The following MTMR7 variants were observed in gnomAD, a reference collection of about 807,000 sequenced individuals.
The protein encoded by MTMR7 is phosphatidylinositol-3-phosphate phosphatase MTMR7.
In MTMR7, 76 loss-of-function variants were observed where a neutral mutation model predicts 81.2. The observed-to-expected ratio is 0.94, with a 90% CI of 0.78 to 1.13. The LOEUF (loss-of-function observed/expected upper bound fraction) is 1.13. Ranked by LOEUF, MTMR7 falls within the 50% of genes most tolerant of loss-of-function variation. The pLI is 0.00. For synonymous variants in MTMR7, 372 were observed against 289.8 expected (o/e 1.28, Z -2.88); for missense variants, 1,044 against 820.0 (o/e 1.27, Z -3.34).
At chr8:17,306,888 C>A (rs1817489857) in intron 10 of MTMR7, among the ~76,000 whole-genome samples, 1 of 151,202 alleles carries the variant, frequency 6.6e-6, no homozygotes, top group Non-Finnish European at 1.5e-5. Context: ...AAAATTAATT[C>A]AAGATGGATT....
intron 4 of MTMR7, among the ~76,000 whole-genome samples, chr8:17,356,656 G>A (rs1819898080): frequency 6.6e-6 from 1 of 152,160 alleles, no homozygotes; most frequent in Non-Finnish European, 1.5e-5. Context: ...AGAGGTTACA[G>A]TGAGCTGAGA....
intron 7 of MTMR7, among the ~76,000 whole-genome samples, chr8:17,318,996 A>G (rs1351813688): frequency 6.6e-6 from 1 of 152,240 alleles, no homozygotes; most frequent in Non-Finnish European, 1.5e-5. Context: ...AATGTTTTTA[A>G]CAGCAGGGAT....
At chr8:17,366,652 C>A (rs761690927) in intron 3 of MTMR7, among the ~76,000 whole-genome samples, 1 of 151,860 alleles carries the variant, frequency 6.6e-6, no homozygotes, top group Non-Finnish European at 1.5e-5. Context: ...TTTGGGAGGC[C>A]GAGGCGGGCG....
chr8:17,349,265 G>T, intron 4 of MTMR7, 184 bp from the exon 5 acceptor site: 1 of 600,124 alleles, frequency 1.7e-6, no homozygotes, highest in East Asian at 2.9e-5. Context: ...CTGATTCTAT[G>T]TAATCATTCT....
chr8:17,355,742 G>C (rs1819871657), intron 4 of MTMR7, among the ~76,000 whole-genome samples: 2 of 130,586 alleles, frequency 1.5e-5, no homozygotes, highest in Admixed American at 7.6e-5. Context: ...ACTACAACAA[G>C]AAAACAACAA....
At chr8:17,349,514 G>A (rs1009232990) in intron 4 of MTMR7, 2 of 167,118 alleles carry the variant, frequency 1.2e-5, no homozygotes, top group African/African-American at 4.8e-5. Context: ...GGTTAACTCT[G>A]TGGCTCTGAC....
chr8:17,364,492 C>A (rs1013713206), intron 3 of MTMR7, among the ~76,000 whole-genome samples: 1 of 152,194 alleles, frequency 6.6e-6, no homozygotes, highest in Non-Finnish European at 1.5e-5. Flanking sequence ...TACCTATACT[C>A]AACACACTGT....
At chr8:17,342,388 A>T (rs191652708) in intron 5 of MTMR7, among the ~76,000 whole-genome samples, 2 of 152,332 alleles carry the variant, frequency 1.3e-5, no homozygotes, top group Admixed American at 1.3e-4. Context: ...GCAGTGACAG[A>T]ACCCCTCCAT....
intron 7 of MTMR7, among the ~76,000 whole-genome samples, chr8:17,319,469 C>G (rs968265548): frequency 3.3e-5 from 5 of 152,162 alleles, no homozygotes; most frequent in Non-Finnish European, 7.3e-5. Context: ...TGATCAACAG[C>G]AGAAAGACAT....
chr8:17,363,794 C>T (rs986219967), intron 3 of MTMR7, among the ~76,000 whole-genome samples: 1 of 151,928 alleles, frequency 6.6e-6, no homozygotes, highest in African/African-American at 2.4e-5. Context: ...GCCACTAGCA[C>T]AGATGAAAGT....
intron 10 of MTMR7, among the ~76,000 whole-genome samples, chr8:17,307,094 G>A (rs573502560): frequency 6.6e-6 from 1 of 152,220 alleles, no homozygotes; most frequent in African/African-American, 2.4e-5. Flanking sequence ...CCATCAGAGT[G>A]AACAGGCAAC....
chr8:17,399,308 G>A (rs3988344), intron 1 of MTMR7, among the ~76,000 whole-genome samples: 101,672 of 152,016 alleles, frequency 0.67, 34,340 homozygotes, highest in East Asian at 0.99. Flanking sequence ...ATCAAAATAC[G>A]AAAAACAGTA....
chr8:17,360,988 G>T, intron 4 of MTMR7, 129 bp downstream of exon 4: 2 of 1,039,054 alleles, frequency 1.9e-6, no homozygotes, highest in Non-Finnish European at 2.8e-6. Flanking sequence ...AACCAAGAGA[G>T]ACCTGGAAAT....
chr8:17,302,012 T>C (rs1817149628), intron 13 of MTMR7, 142 bp downstream of exon 13: 6 of 1,079,956 alleles, frequency 5.6e-6, no homozygotes, highest in South Asian at 3.1e-5. Flanking sequence ...AGTCCTGACC[T>C]GGATGGGGTT....
At chr8:17,395,174 C>CT (rs1387546748) in intron 1 of MTMR7, among the ~76,000 whole-genome samples, 2 of 152,024 alleles carry the variant, frequency 1.3e-5, no homozygotes, top group Non-Finnish European at 2.9e-5. Context: ...ATTATCTGTC[C>CT]TTTTTTTGTC....
At chr8:17,394,103 A>G (rs1329046811) in intron 1 of MTMR7, among the ~76,000 whole-genome samples, 2 of 152,198 alleles carry the variant, frequency 1.3e-5, no homozygotes, top group Non-Finnish European at 1.5e-5. Flanking sequence ...TGTTAGGAAT[A>G]TAAAATGCTG....
chr8:17,367,089 G>T (rs1273682391), intron 3 of MTMR7, among the ~76,000 whole-genome samples: 2 of 152,030 alleles, frequency 1.3e-5, no homozygotes, highest in African/African-American at 2.4e-5. Context: ...TGATAAAAAA[G>T]AAATTACCAC....
chr8:17,317,217 A>G (rs1281583181), intron 7 of MTMR7, among the ~76,000 whole-genome samples: 4 of 152,178 alleles, frequency 2.6e-5, no homozygotes, highest in Admixed American at 6.5e-5. Context: ...ATTCACATGT[A>G]AGAGCAAGAC....
At chr8:17,397,420 C>T (rs1398310715) in intron 1 of MTMR7, among the ~76,000 whole-genome samples, 2 of 152,082 alleles carry the variant, frequency 1.3e-5, no homozygotes, top group South Asian at 2.1e-4. Context: ...AAGCGAACGT[C>T]GGTGGTGGCC....
Sources: allele counts gnomAD v4.1 joint callset (sites outside exome capture counted in the v4.1 genomes callset), GRCh38; gene constraint gnomAD v4.1.1; transcripts MANE v1.5; gene names NCBI Gene and HGNC (gene_info 2026-07-23, HGNC 2026-07-21).